TRAM1: variants seen among roughly 807,000 people sequenced by gnomAD.
The protein encoded by TRAM1 is translocation associated membrane protein 1.
Under a neutral mutation model 48.7 loss-of-function variants are expected in TRAM1, and 17 were observed. The observed-to-expected ratio is 0.35, with a 90% CI of 0.24 to 0.52. The LOEUF (loss-of-function observed/expected upper bound fraction) is 0.52, where lower values mean the gene tolerates loss of function less well. Among genes scored for constraint, TRAM1 ranks in the 20% least tolerant of loss-of-function variants. TRAM1 has a pLI of 0.94. For missense variants in TRAM1, 351 were observed against 441.5 expected (o/e 0.79, Z 1.84); for synonymous variants, 182 against 154.0 (o/e 1.18, Z -1.34).
intron 10 of TRAM1, among the ~76,000 whole-genome samples, chr8:70,580,283 A>G (rs1391593606): frequency 6.6e-6 from 1 of 152,216 alleles, no homozygotes; most frequent in Non-Finnish European, 1.5e-5. Flanking sequence ...CTTTATGAAT[A>G]CAGACACAAA....
At chr8:70,598,731 CAACTACT>C (rs1401299555) in intron 2 of TRAM1, among the ~76,000 whole-genome samples, 2 of 152,130 alleles carry the variant, frequency 1.3e-5, no homozygotes, top group Non-Finnish European at 2.9e-5. Context: ...GAGATAAAGG[CAACTACT>C]AAAGTTGTTT....
intron 8 of TRAM1, 87 bp downstream of exon 8, chr8:70,586,808 T>C: frequency 9.1e-7 from 1 of 1,103,602 alleles, no homozygotes. Flanking sequence ...AAAGTTAATA[T>C]AATGGCCTAA....
intron 6 of TRAM1, 31 bp from the exon 7 acceptor site, chr8:70,587,207 T>G (rs1293455366): frequency 5.0e-6 from 8 of 1,597,294 alleles, no homozygotes; most frequent in Non-Finnish European, 6.9e-6. Context: ...GATTAAAACA[T>G]GCTAAAACAT....
intron 8 of TRAM1, among the ~76,000 whole-genome samples, chr8:70,586,569 G>A (rs530696139): frequency 6.6e-6 from 1 of 151,856 alleles, no homozygotes; most frequent in East Asian, 1.9e-4. Context: ...ATTATCTATT[G>A]TTTCACTTTC....
intron 4 of TRAM1, 85 bp from the exon 5 acceptor site, chr8:70,596,406 T>C (rs1484444945): frequency 1.1e-5 from 11 of 1,033,558 alleles, no homozygotes; most frequent in Non-Finnish European, 1.6e-5. Flanking sequence ...TCTCAAACAT[T>C]TACAGGTCCC....
In TRAM1 at chr8:70,579,126, ATG is replaced by A. The variant is rs1310187377; in HGVS notation, c.1051+4036_1051+4037del. Among the ~76,000 whole-genome samples, 2 of 152,238 alleles carry A rather than the reference ATG, an allele frequency of 1.3e-5. 1 individual carries two copies. The highest frequency in any genetic ancestry group is 4.1e-4 in the South Asian group (2 of 4,828). On this transcript the variant is annotated intron_variant, in intron 10 of 10. Coordinates refer to ENST00000262213, the MANE Select transcript of TRAM1 (RefSeq NM_014294.6). ...CACTTAACAGGCTATGTTTTAAGAA[ATG>A]TGTTAGGCGATTTCATCATTGTATG...
At chr8:70,579,440 C>A (rs895127816) in intron 10 of TRAM1, among the ~76,000 whole-genome samples, 3 of 152,142 alleles carry the variant, frequency 2.0e-5, no homozygotes, top group Non-Finnish European at 2.9e-5. Context: ...TTATTTAGCA[C>A]GTAACTATAT....
At chr8:70,587,076 C>T in intron 7 of TRAM1, 30 bp downstream of exon 7, 2 of 1,613,282 alleles carry the variant, frequency 1.2e-6, no homozygotes, top group African/African-American at 1.3e-5. Context: ...GCCCAGCCTA[C>T]TTACACACCC....
chr8:70,583,342 A>AT lies in TRAM1; in HGVS notation c.891-19dup, dbSNP rs756092094. ...CAGCGATTCTAAGAAATATTAAGAC[A>AT]TAAAAAGTTAGTGTATAAAAAACAA... On this transcript the variant is annotated intron_variant, in intron 9 of 10. Coordinates refer to ENST00000262213, the MANE Select transcript of TRAM1 (RefSeq NM_014294.6). 1.1e-5 allele frequency: 17 copies of AT among 1,607,438 alleles called. No homozygotes were observed. The highest frequency in any genetic ancestry group is 1.4e-5 in the Non-Finnish European group (16 of 1,176,414).
At chr8:70,604,392 A>C (rs929552398) in intron 1 of TRAM1, among the ~76,000 whole-genome samples, 1 of 152,202 alleles carries the variant, frequency 6.6e-6, no homozygotes, top group African/African-American at 2.4e-5. Flanking sequence ...TGAATATCAA[A>C]TTCCACTTCC....
At chr8:70,606,831 TAA>T (rs79575959) in intron 1 of TRAM1, 5 of 763,312 alleles carry the variant, frequency 6.6e-6, no homozygotes, top group Non-Finnish European at 7.9e-6. Flanking sequence ...ATTTTAAAAT[TAA>T]AAAAAAAAAC....
chr8:70,581,877 G>A (rs750185944), intron 10 of TRAM1, among the ~76,000 whole-genome samples: 6 of 152,144 alleles, frequency 3.9e-5, no homozygotes, highest in African/African-American at 7.2e-5. Context: ...CATATCACAT[G>A]GTTCTGTTTA....
chr8:70,597,437 C>T (rs1319978945), intron 4 of TRAM1, among the ~76,000 whole-genome samples: 1 of 151,778 alleles, frequency 6.6e-6, no homozygotes, highest in African/African-American at 2.4e-5. Context: ...TTTGGGAGGC[C>T]GAGGCGGGTG....
At chr8:70,594,420 CAT>C (rs1321739510) in intron 6 of TRAM1, 84 bp downstream of exon 6, 8 of 963,410 alleles carry the variant, frequency 8.3e-6, no homozygotes, top group Admixed American at 3.3e-5. Context: ...GAAGGGCAAA[CAT>C]GTAAGAAAAT....
chr8:70,573,662 C>T lies in TRAM1; in HGVS notation c.*1270G>A, dbSNP rs748877216. Reference sequence around the variant, plus strand: ...ATCTAATAGGTCTGCAACTTTTACACTAAAAATGGCACAAACAGCTGGTGA... The same window carrying T: ...ATCTAATAGGTCTGCAACTTTTACATTAAAAATGGCACAAACAGCTGGTGA... On this transcript the variant is annotated 3_prime_UTR_variant, in exon 11 of 11. Coordinates refer to ENST00000262213, the MANE Select transcript of TRAM1 (RefSeq NM_014294.6). The T allele has an allele frequency of 2.0e-5, 3 of 152,514 alleles. No homozygotes were observed. The highest frequency in any genetic ancestry group is 4.4e-5 in the Non-Finnish European group (3 of 68,010). The allele number at this position is 152,514 out of a possible 1,614,324, so 9.4% of individuals were successfully genotyped here. A position where few individuals can be genotyped will look rare whatever the true frequency, so the allele number is the denominator to read the frequency against.
rs981409722 is a variant in TRAM1 at position 70,580,606 on chromosome 8, A to G, written c.1051+2558T>C. On this transcript the variant is annotated intron_variant, in intron 10 of 10. Transcript: ENST00000262213. ...TAGCTAACATCATACTTAATGGTAA[A>G]AGACTGGATGGATGCCTACCCCTAA... Among the ~76,000 whole-genome samples the G allele has an allele frequency of 5.3e-5, 8 of 152,166 alleles. No individual in the cohort carries two copies. In the South Asian group the frequency reaches 1.7e-3, roughly 32 times the overall value.
At position 70,608,089 on chromosome 8, in the gene TRAM1, C is replaced by A. The variant is rs1170532637; in HGVS notation, c.111G>T (p.Gly37=). ...VSCVAMVFLL[G]LMFEITAKAS... ...GGGGCGGGCTCACCTCAAACATGAG[C>A]CCCAGCAGGAAGACCATCGCCACAC... is the stretch of plus-strand genomic sequence containing the variant. The change falls in exon 1 of 11, where the codon GGG becomes GGT. Residue 37 remains glycine, a synonymous_variant. Transcript: ENST00000262213. The A allele has an allele frequency of 1.9e-6, 3 of 1,598,496 alleles. No homozygotes were observed. Among genetic ancestry groups the A allele is most frequent in the South Asian group, 1.1e-5 (1 of 89,562 alleles).
At chr8:70,605,748 T>C (rs747775387) in intron 1 of TRAM1, among the ~76,000 whole-genome samples, 7 of 152,202 alleles carry the variant, frequency 4.6e-5, no homozygotes, top group Non-Finnish European at 1.0e-4. Context: ...CACTTTTGTG[T>C]ATCACTTTAA....
Position 70,575,017 on chromosome 8 carries a change from A to C in TRAM1, c.1052-12T>G, listed in dbSNP as rs1816916016. On this transcript the variant is annotated splice_polypyrimidine_tract_variant and intron_variant, in intron 10 of 10. Coordinates refer to ENST00000262213, the MANE Select transcript of TRAM1 (RefSeq NM_014294.6). ...ATTCACACCATTTTCTGCAAAAAGA[A>C]AAGAATCCATGTTACTCTCTTTTAT... 6.3e-7 allele frequency: 1 copy of C among 1,587,430 alleles called. No homozygotes were observed. The highest frequency in any genetic ancestry group is 1.1e-5 in the South Asian group (1 of 89,026).
Sources: gnomAD v4.1 joint callset for allele counts (sites outside exome capture counted in the v4.1 genomes callset) on GRCh38, gnomAD v4.1.1 for gene constraint, MANE v1.5 for transcripts, NCBI Gene and HGNC (gene_info 2026-07-23, HGNC 2026-07-21) for gene names.